PLXDC2: variants seen among roughly 807,000 people sequenced by gnomAD.
The protein encoded by PLXDC2 is plexin domain containing 2.
Under a neutral mutation model 68.9 loss-of-function variants are expected in PLXDC2, and 40 were observed. The observed-to-expected ratio is 0.58, with a 90% CI of 0.45 to 0.76. The LOEUF (loss-of-function observed/expected upper bound fraction) is 0.76. Among genes scored for constraint, PLXDC2 ranks in the 30% least tolerant of loss-of-function variants. The probability of loss-of-function intolerance (pLI) is 0.00; values close to 1 mark genes in which losing one functional copy is unlikely to be tolerated. For synonymous variants in PLXDC2, 243 were observed against 234.2 expected (o/e 1.04, Z -0.34); for missense variants, 644 against 661.9 (o/e 0.97, Z 0.30).
intron 13 of PLXDC2, among the ~76,000 whole-genome samples, chr10:20,270,027 T>TA (rs375747697): frequency 3.9e-5 from 5 of 127,096 alleles, no homozygotes; most frequent in East Asian, 5.5e-4. Context: ...AAAAATAAAA[T>TA]AAAATAAAAT....
intron 1 of PLXDC2, among the ~76,000 whole-genome samples, chr10:19,946,731 T>C (rs1439751018): frequency 2.0e-5 from 3 of 152,004 alleles, no homozygotes; most frequent in East Asian, 1.9e-4. Flanking sequence ...CGGTGGGTGA[T>C]GGGAGACAGA....
intron 4 of PLXDC2, among the ~76,000 whole-genome samples, chr10:20,118,896 C>A (rs919657327): frequency 2.0e-5 from 3 of 149,578 alleles, no homozygotes; most frequent in Non-Finnish European, 4.4e-5. Flanking sequence ...TATTAAATGG[C>A]AGGGCCAGAA....
At chr10:19,849,309 C>T (rs1047576772) in intron 1 of PLXDC2, among the ~76,000 whole-genome samples, 4 of 92,334 alleles carry the variant, frequency 4.3e-5, no homozygotes, top group Non-Finnish European at 8.2e-5. Flanking sequence ...TATTCTGTCT[C>T]GCTCTCTCTC....
chr10:20,145,150 T>A (rs1170824932), intron 5 of PLXDC2, among the ~76,000 whole-genome samples: 2 of 152,232 alleles, frequency 1.3e-5, no homozygotes, highest in African/African-American at 4.8e-5. Flanking sequence ...GTTTTATGTC[T>A]GAGAATTGTA....
intron 2 of PLXDC2, among the ~76,000 whole-genome samples, chr10:20,014,327 C>T (rs1835167513): frequency 7.7e-6 from 1 of 130,356 alleles, no homozygotes; most frequent in African/African-American, 3.0e-5. Flanking sequence ...TCCTTCCTTC[C>T]TTCTCCCCAC....
At chr10:19,980,614 G>A (rs950927321) in intron 1 of PLXDC2, among the ~76,000 whole-genome samples, 1 of 152,212 alleles carries the variant, frequency 6.6e-6, no homozygotes, top group African/African-American at 2.4e-5. Flanking sequence ...CAAGAACATA[G>A]TCAAGTCATC....
At chr10:20,208,719 GGAAATTCAGCCAGATATCGGGT>G (rs1216160624) in intron 9 of PLXDC2, among the ~76,000 whole-genome samples, 1 of 151,968 alleles carries the variant, frequency 6.6e-6, no homozygotes, top group Non-Finnish European at 1.5e-5. Flanking sequence ...AAGTATCGGG[GGAAATTCAGCCAGATATCGGGT>G]GAAATTCACC....
At position 20,001,800 on chromosome 10, in the gene PLXDC2, C is replaced by G. The variant is rs1224488490; in HGVS notation, c.138C>G (p.Ala46=). 2 of 1,614,046 alleles carry G rather than the reference C, an allele frequency of 1.2e-6. No individual in the cohort carries two copies. The highest frequency in any genetic ancestry group is 4.5e-5 in the East Asian group (2 of 44,878). ...ATTGGCAGTATGGAGTTACTCAGGCCTTCCCTCACACAGAGGAGGAGGTGG... is the reference window on the plus strand; with the variant it reads ...ATTGGCAGTATGGAGTTACTCAGGCGTTCCCTCACACAGAGGAGGAGGTGG... ...ILDWQYGVTQ[A]FPHTEEEVEV... is the part of the protein sequence containing the mutation. Residue 46 remains alanine (A), a synonymous_variant, in exon 2 of 14, where the codon GCC becomes GCG. Transcript: ENST00000377252.
At chr10:19,990,250 A>G (rs1421440933) in intron 1 of PLXDC2, among the ~76,000 whole-genome samples, 1 of 152,200 alleles carries the variant, frequency 6.6e-6, no homozygotes, top group African/African-American at 2.4e-5. Context: ...TATATCAAAC[A>G]TAATTTTTAG....
intron 9 of PLXDC2, among the ~76,000 whole-genome samples, chr10:20,204,362 C>T (rs561233625): frequency 2.6e-4 from 39 of 152,078 alleles, no homozygotes; most frequent in Non-Finnish European, 3.7e-4. Flanking sequence ...CATAATAAAA[C>T]ATGTTATTGG....
chr10:20,277,410 C>T (rs1388841772), intron 13 of PLXDC2, among the ~76,000 whole-genome samples: 1 of 151,996 alleles, frequency 6.6e-6, no homozygotes, highest in Non-Finnish European at 1.5e-5. Context: ...AGAAGGTTCT[C>T]TTTAAAAATT....
chr10:20,002,217 C>G (rs1834953918), intron 2 of PLXDC2, among the ~76,000 whole-genome samples: 1 of 151,282 alleles, frequency 6.6e-6, no homozygotes, highest in Admixed American at 6.6e-5. Context: ...AGCAGTGAGG[C>G]ATCAATACTG....
In PLXDC2 at chr10:20,227,054, T is replaced by C. The variant is rs572262857; in HGVS notation, c.1312+7952T>C. ...TTTTAAACGTGAAATGTCTAGTTAT[T>C]GTAGTAGATGGCCCTATACCACTAA... On this transcript the variant is annotated intron_variant, in intron 12 of 13. Coordinates refer to ENST00000377252, the MANE Select transcript of PLXDC2 (RefSeq NM_032812.9). Among the ~76,000 whole-genome samples the C allele has an allele frequency of 2.6e-5, 4 of 152,314 alleles. No individual in the cohort carries two copies. The South Asian group carries it at 8.3e-4, about 32-fold the overall frequency.
intron 2 of PLXDC2, among the ~76,000 whole-genome samples, chr10:20,016,803 A>G (rs1835220409): frequency 6.6e-6 from 1 of 152,186 alleles, no homozygotes; most frequent in Admixed American, 6.5e-5. Context: ...CCATCCACAT[A>G]CAAAATAAGA....
intron 4 of PLXDC2, among the ~76,000 whole-genome samples, chr10:20,135,864 A>G (rs931078921): frequency 6.6e-6 from 1 of 152,190 alleles, no homozygotes; most frequent in Non-Finnish European, 1.5e-5. Context: ...AATTTTGTAT[A>G]CAAAATCTAT....
intron 1 of PLXDC2, among the ~76,000 whole-genome samples, chr10:19,868,800 T>A (rs2131340951): frequency 6.6e-6 from 1 of 152,338 alleles, no homozygotes; most frequent in East Asian, 1.9e-4. Flanking sequence ...TCTTTAAATA[T>A]TATTTCAAAA....
intron 4 of PLXDC2, among the ~76,000 whole-genome samples, chr10:20,141,246 A>C (rs1564330503): frequency 6.6e-6 from 1 of 151,404 alleles, no homozygotes. Flanking sequence ...TTCTTGGCAA[A>C]TCTATGTAGA....
intron 1 of PLXDC2, among the ~76,000 whole-genome samples, chr10:19,889,033 G>GA (rs200412505): frequency 1.3e-5 from 2 of 150,932 alleles, no homozygotes; most frequent in African/African-American, 2.4e-5. Context: ...GAGGGTAGTA[G>GA]AAAAAAAATA....
rs138628661 is a variant in PLXDC2 at position 20,054,068 on chromosome 10, A to G, written c.471+7053A>G. Among the ~76,000 whole-genome samples the G allele has an allele frequency of 1.2e-4, 18 of 152,220 alleles. No individual in the cohort carries two copies. In the South Asian group the frequency reaches 1.7e-3, roughly 14 times the overall value. ...TATTGCAATGAGGGAAAGAACCTTG[A>G]TGCAGAACTGGGCTCAGTTCTGAAT... is the stretch of plus-strand genomic sequence containing the variant. On this transcript the variant is annotated intron_variant, in intron 3 of 13. Transcript: ENST00000377252.
Sources: gnomAD v4.1 joint callset for allele counts (sites outside exome capture counted in the v4.1 genomes callset) on GRCh38, gnomAD v4.1.1 for gene constraint, MANE v1.5 for transcripts, NCBI Gene and HGNC (gene_info 2026-07-23, HGNC 2026-07-21) for gene names.